Variants in KCNH7 observed in about 807,000 individuals in gnomAD.
KCNH7 encodes the protein voltage-gated inwardly rectifying potassium channel KCNH7.
A neutral mutation model predicts 120.8 loss-of-function variants in KCNH7; 49 were observed. That is an observed-to-expected ratio of 0.41 (90% CI 0.32 to 0.51). KCNH7 has a LOEUF of 0.51. KCNH7 is among the 20% of genes least tolerant of loss of function. The probability of loss-of-function intolerance (pLI) is 0.38; values close to 1 mark genes in which losing one functional copy is unlikely to be tolerated. For synonymous variants in KCNH7, 547 were observed against 516.1 expected, an observed-to-expected ratio of 1.06 and a Z score of -0.81; for missense variants, 1,097 against 1,446.6, an observed-to-expected ratio of 0.76 and a Z score of 3.92.
At chr2:162,589,906 A>G (rs1694151845) in intron 2 of KCNH7, among the ~76,000 whole-genome samples, 1 of 152,106 alleles carries the variant, frequency 6.6e-6, no homozygotes, top group African/African-American at 2.4e-5. Context: ...TTAAACAGTT[A>G]TGTTCTTGTT....
rs1685944904 is a variant in KCNH7 at position 162,371,501 on chromosome 2, C to T, written c.*328G>A. ...TGGAAGGCATTTTCATAACGAAGTACTGGTTTAGTAAAAGCAGTAAATAGG... is the reference window on the plus strand; with the variant it reads ...TGGAAGGCATTTTCATAACGAAGTATTGGTTTAGTAAAAGCAGTAAATAGG... On this transcript the variant is annotated 3_prime_UTR_variant, in exon 16 of 16. Coordinates refer to ENST00000332142, the MANE Select transcript of KCNH7 (RefSeq NM_033272.4). The T allele has an allele frequency of 1.6e-6, 2 of 1,236,902 alleles. No individual in the cohort carries two copies. The highest frequency in any genetic ancestry group is 5.6e-5 in the Admixed American group (2 of 35,690). The allele number at this position is 1,236,902 out of a possible 1,614,324, so 76.6% of individuals were successfully genotyped here. A position where few individuals can be genotyped will look rare whatever the true frequency, so the allele number is the denominator to read the frequency against.
rs116627374 is a variant in KCNH7, at chr2:162,550,352, C to T, written c.308-13272G>A. ...CTCAGAATAGAGAGAAGGTGCTACACGGATTTCCTTATTTTCCTGGCTTCT... is the reference window on the plus strand; with the variant it reads ...CTCAGAATAGAGAGAAGGTGCTACATGGATTTCCTTATTTTCCTGGCTTCT... On this transcript the variant is annotated intron_variant, in intron 2 of 15. Transcript: ENST00000332142. Among the ~76,000 whole-genome samples the T allele has an allele frequency of 3.4e-3, 513 of 152,262 alleles. 2 individuals are homozygous for T. The highest frequency in any genetic ancestry group is 0.011 in the African/African-American group (473 of 41,552).
rs143653869 is a variant in KCNH7, at chr2:162,436,297, T to C, written c.1555-700A>G. ...CTTCCCATAACTGTGGGAACACTTATTGGATGATTGCATGCATGAATTAGG... is the reference window on the plus strand; with the variant it reads ...CTTCCCATAACTGTGGGAACACTTACTGGATGATTGCATGCATGAATTAGG... On this transcript the variant is annotated intron_variant, in intron 7 of 15. Coordinates refer to ENST00000332142, the MANE Select transcript of KCNH7 (RefSeq NM_033272.4). Among the ~76,000 whole-genome samples, 871 of 152,244 alleles carry C rather than the reference T, an allele frequency of 5.7e-3. 31 individuals are homozygous for C. Among genetic ancestry groups the C allele is most frequent in the Admixed American group, 0.052 (791 of 15,248 alleles).
intron 15 of KCNH7, among the ~76,000 whole-genome samples, 158 bp from the exon 16 acceptor site, chr2:162,372,253 C>T (rs1051862450): frequency 6.6e-6 from 1 of 152,134 alleles, no homozygotes; most frequent in Non-Finnish European, 1.5e-5. Context: ...GTCAGGACGT[C>T]GGAGATTGGT....
At chr2:162,678,933 A>G (rs549815360) in intron 2 of KCNH7, among the ~76,000 whole-genome samples, 1 of 151,792 alleles carries the variant, frequency 6.6e-6, no homozygotes, top group South Asian at 2.1e-4. Context: ...AATTGACCAA[A>G]GAGTTTCAAA....
intron 13 of KCNH7, among the ~76,000 whole-genome samples, chr2:162,382,841 T>G (rs984487050): frequency 3.3e-5 from 5 of 152,016 alleles, no homozygotes; most frequent in Non-Finnish European, 7.4e-5. Flanking sequence ...TTAAAGATAT[T>G]AATTAGCCAG....
chr2:162,379,970 T>C lies in KCNH7; in HGVS notation c.3014A>G (p.Glu1005Gly). 6.2e-7 allele frequency: 1 copy of C among 1,614,070 alleles called. No homozygotes were observed. The change falls in exon 14 of 16, where the codon GAA becomes GGA. Residue 1005 changes from glutamate to glycine, a missense_variant. By Grantham distance (98) the Glu-to-Gly change is moderately conservative (BLOSUM62 -2). Around this residue, in one of 8 missense-constraint regions of KCNH7, gnomAD observed 406 missense variants for 410.5 expected, o/e 0.99. Transcript: ENST00000332142. ...WERENAHPQP[E>G]DSSPSALQRA... is the part of the protein sequence containing the mutation. Reference sequence around the variant, plus strand: ...CTGAAGTGCAGATGGACTGGAGTCTTCAGGCTGGGGATGTGCATTTTCTCG... The same window carrying C: ...CTGAAGTGCAGATGGACTGGAGTCTCCAGGCTGGGGATGTGCATTTTCTCG...
chr2:162,420,046 A>G (rs924484622), intron 9 of KCNH7, among the ~76,000 whole-genome samples: 4 of 152,170 alleles, frequency 2.6e-5, no homozygotes, highest in African/African-American at 9.7e-5. Flanking sequence ...TCTTTCAAAT[A>G]CTTTTTGCTA....
intron 9 of KCNH7, among the ~76,000 whole-genome samples, chr2:162,407,764 G>A (rs1327606175): frequency 4.6e-5 from 7 of 152,018 alleles, no homozygotes; most frequent in Non-Finnish European, 8.8e-5. Flanking sequence ...AGTGGATTCT[G>A]TTGGATGCTC....
intron 2 of KCNH7, among the ~76,000 whole-genome samples, chr2:162,622,073 C>G (rs190100025): frequency 6.6e-6 from 1 of 152,296 alleles, no homozygotes; most frequent in Non-Finnish European, 1.5e-5. Flanking sequence ...TCTATTCATT[C>G]TCCTACTTAC....
chr2:162,632,768 C>A (rs895639945), intron 2 of KCNH7, among the ~76,000 whole-genome samples: 1 of 151,750 alleles, frequency 6.6e-6, no homozygotes, highest in Admixed American at 6.6e-5. Flanking sequence ...TTGTGACAAT[C>A]AGCTAACCAT....
intron 9 of KCNH7, among the ~76,000 whole-genome samples, chr2:162,405,392 T>C (rs1203738864): frequency 1.3e-5 from 2 of 151,734 alleles, no homozygotes; most frequent in Non-Finnish European, 2.9e-5. Flanking sequence ...CAAAACATAA[T>C]AACATTATTA....
rs977625416 is a variant in KCNH7 at position 162,532,403 on chromosome 2, A to G, written c.463+4522T>C. Among the ~76,000 whole-genome samples the G allele has an allele frequency of 5.9e-5, 9 of 152,046 alleles. No individual in the cohort carries two copies. In the South Asian group the frequency reaches 1.9e-3, roughly 31 times the overall value. ...GAGAGACAATAGAAGGGGCTTAAAA[A>G]GTGCACAAGACCCCAGATACCAGAG... On this transcript the variant is annotated intron_variant, in intron 3 of 15. Transcript: ENST00000332142.
At chr2:162,493,710 C>T (rs1690403020) in intron 6 of KCNH7, among the ~76,000 whole-genome samples, 1 of 152,120 alleles carries the variant, frequency 6.6e-6, no homozygotes, top group African/African-American at 2.4e-5. Context: ...GAGTTGCCAT[C>T]ATAACATGTA....
At chr2:162,450,961 A>C (rs1688747779) in intron 6 of KCNH7, among the ~76,000 whole-genome samples, 1 of 152,028 alleles carries the variant, frequency 6.6e-6, no homozygotes, top group Admixed American at 6.6e-5. Context: ...AGGAGTGGAG[A>C]AATACTTGTT....
At chr2:162,715,946 TTGTGTGTGTGTG>T (rs55649777) in intron 2 of KCNH7, among the ~76,000 whole-genome samples, 1,914 of 146,492 alleles carry the variant, frequency 0.013, 41 homozygotes, top group African/African-American at 0.044. Flanking sequence ...GAGCATGTCT[TTGTGTGTGTGTG>T]TGTGTGTGTG....
intron 2 of KCNH7, among the ~76,000 whole-genome samples, chr2:162,662,796 T>C (rs1416825394): frequency 6.6e-6 from 1 of 152,220 alleles, no homozygotes; most frequent in Non-Finnish European, 1.5e-5. Context: ...AGAATGTTTA[T>C]TCACCATGAT....
chr2:162,424,177 C>G (rs944997471), intron 8 of KCNH7, among the ~76,000 whole-genome samples: 1 of 152,130 alleles, frequency 6.6e-6, no homozygotes, highest in Non-Finnish European at 1.5e-5. Context: ...AAACATATCT[C>G]TGGCTTAGAA....
rs564745541 is a variant in KCNH7, at chr2:162,593,243, G to A, written c.308-56163C>T. On this transcript the variant is annotated intron_variant, in intron 2 of 15. Transcript: ENST00000332142. The stretch of plus-strand genomic sequence containing the variant: ...AATTTTCTGATCTCTGGCATAAGTA[G>A]TGGAAGTTATGTTTAAGAATTTGCT... 3.3e-5 allele frequency among the ~76,000 whole-genome samples: 5 copies of A among 152,188 alleles called. No homozygotes were observed. In the East Asian group the frequency reaches 9.7e-4, roughly 29 times the overall value.
Sources: gnomAD v4.1 joint callset for allele counts (sites outside exome capture counted in the v4.1 genomes callset) on GRCh38, gnomAD v4.1.1 for gene constraint, gnomAD v4.1.1 regional missense constraint, MANE v1.5 for transcripts, NCBI Gene and HGNC (gene_info 2026-07-23, HGNC 2026-07-21) for gene names.